PLXND1: variants seen among roughly 807,000 people sequenced by gnomAD.
The protein encoded by PLXND1 is plexin-D1.
A neutral mutation model predicts 197.7 loss-of-function variants in PLXND1; 54 were observed. The observed-to-expected ratio is 0.27, with a 90% CI of 0.22 to 0.34. PLXND1 has a LOEUF of 0.34. Ranked by LOEUF, PLXND1 falls within the 10% of genes least tolerant of loss-of-function variation. PLXND1 has a pLI of 1.00. For synonymous variants in PLXND1, 1,180 were observed against 1,161.2 expected, an observed-to-expected ratio of 1.02 and a Z score of -0.33; for missense variants, 2,127 against 2,699.2, an observed-to-expected ratio of 0.79 and a Z score of 4.70.
Position 129,572,650 on chromosome 3 carries a change from G to A in PLXND1, c.3036C>T (p.Leu1012=). Residue 1012 remains leucine, a synonymous_variant, in exon 15 of 36, where the codon CTC becomes CTT. Transcript: ENST00000324093. The part of the protein sequence containing the change: ...HGNDLHVGSE[L]QVLVNDTDPC... ...GGTCTGTGTCGTTCACCAGGACCTG[G>A]AGCTCGGAGCCTACATGGAGGTCAT... 6.2e-7 allele frequency: 1 copy of A among 1,600,094 alleles called. No individual in the cohort carries two copies. The highest frequency in any genetic ancestry group is 8.5e-7 in the Non-Finnish European group (1 of 1,172,922).
chr3:129,556,583 C>T, intron 35 of PLXND1, 34 bp downstream of exon 35: 1 of 1,530,366 alleles, frequency 6.5e-7, no homozygotes, highest in Non-Finnish European at 9.0e-7. Context: ...GCTCACCTAC[C>T]CCGAGGGCAG....
intron 1 of PLXND1, among the ~76,000 whole-genome samples, chr3:129,603,240 C>T (rs2085736146): frequency 6.6e-6 from 1 of 152,192 alleles, no homozygotes. Flanking sequence ...AGGCCCTTCG[C>T]CACTCTGTCC....
chr3:129,589,307 G>GCCGGCCGCCCCCCCCCCCCC, intron 2 of PLXND1, 44 bp downstream of exon 2: 2 of 684,692 alleles, frequency 2.9e-6, no homozygotes, highest in Non-Finnish European at 2.6e-6. Context: ...TCCCAGGGGA[G>GCCGGCCGCCCCCCCCCCCCC]CCTCCCACCC....
Position 129,575,582 on chromosome 3 carries a change from A to G in PLXND1, c.2437-20T>C. 6.5e-7 allele frequency: 1 copy of G among 1,532,838 alleles called. No individual in the cohort carries two copies. Among genetic ancestry groups the G allele is most frequent in the Non-Finnish European group, 8.9e-7 (1 of 1,129,564 alleles). 95.0% of individuals were successfully genotyped at this position (1,532,838 alleles called of 1,614,324 possible). A position where few individuals can be genotyped will look rare whatever the true frequency, so the allele number is the denominator to read the frequency against. On this transcript the variant is annotated intron_variant, in intron 10 of 35. Transcript: ENST00000324093. Reference sequence around the variant, plus strand: ...GTGCAGCTGCAAAAGGGCAGAAAAGAGCATAGGGGGCATGGGCAATGCCTG... The same window carrying G: ...GTGCAGCTGCAAAAGGGCAGAAAAGGGCATAGGGGGCATGGGCAATGCCTG...
At chr3:129,590,703 C>A (rs1044224923) in intron 1 of PLXND1, among the ~76,000 whole-genome samples, 1 of 152,192 alleles carries the variant, frequency 6.6e-6, no homozygotes, top group South Asian at 2.1e-4. Context: ...TGACACTGTA[C>A]CAGGCCAGTG....
Position 129,589,395 on chromosome 3 carries a change from A to C in PLXND1, c.1444T>G (p.Tyr482Asp). Residue 482 changes from tyrosine (Y) to aspartate (D), a missense_variant, in exon 2 of 36, where the codon TAC becomes GAC. Transcript: ENST00000324093. ...TSVAVASVNN[Y>D]TAVFLGTVNG... ...ACCGTGCCCAGGAAGACCGCTGTGT[A>C]GTTGTTGACGCTGGCCACGGCCACG... 6.5e-7 allele frequency: 1 copy of C among 1,538,024 alleles called. No individual in the cohort carries two copies. Among genetic ancestry groups the C allele is most frequent in the Non-Finnish European group, 8.8e-7 (1 of 1,135,252 alleles).
In PLXND1 at chr3:129,571,527, G is replaced by T. The variant is rs1259297987; in HGVS notation, c.3318C>A (p.His1106Gln). ...MVQNVSMAVH[H>Q]IGREPTLCKV... ...GCCTCACCGTGGGCTCCCGGCCAAT[G>T]TGGTGGACGGCCATGGACACATTCT... Residue 1106 changes from histidine to glutamine, a missense_variant, in exon 17 of 36, where the codon CAC becomes CAA. Transcript: ENST00000324093. The T allele has an allele frequency of 6.2e-7, 1 of 1,613,570 alleles. No homozygotes were observed. The highest frequency in any genetic ancestry group is 1.1e-5 in the South Asian group (1 of 91,086).
At chr3:129,581,051 A>C (rs1056946767) in intron 8 of PLXND1, among the ~76,000 whole-genome samples, 4 of 151,904 alleles carry the variant, frequency 2.6e-5, no homozygotes, top group African/African-American at 9.7e-5. Context: ...CACATCTTTC[A>C]CGCGGGGACC....
intron 8 of PLXND1, among the ~76,000 whole-genome samples, chr3:129,580,375 A>T (rs1231140098): frequency 2.0e-5 from 3 of 152,200 alleles, no homozygotes; most frequent in African/African-American, 7.2e-5. Context: ...GGCCCCCTGC[A>T]GACCGCAGGC....
Position 129,567,533 on chromosome 3 carries a change from G to C in PLXND1, c.4045C>G (p.Leu1349Val). 6.2e-7 allele frequency: 1 copy of C among 1,611,232 alleles called. No homozygotes were observed. Residue 1349 changes from leucine (L) to valine (V), a missense_variant, in exon 22 of 36, where the codon CTG (leucine) becomes GTG (valine). This residue lies in a region of PLXND1 where 532 missense variants were observed against 811.0 expected (regional missense o/e 0.66). Coordinates refer to ENST00000324093, the MANE Select transcript of PLXND1 (RefSeq NM_015103.3). ...ELNRSQGIPF[L>V]EYKHFVTRTF... ...CGGGTCACGAAGTGCTTATACTCCA[G>C]GAAGGGGATGCCCTGGCTGCGGTTC...
At chr3:129,563,494 G>C (rs2085093220) in intron 25 of PLXND1, among the ~76,000 whole-genome samples, 1 of 152,222 alleles carries the variant, frequency 6.6e-6, no homozygotes, top group Non-Finnish European at 1.5e-5. Flanking sequence ...CATTCTTACT[G>C]TGCAGCCAAC....
chr3:129,595,947 ACT>A (rs1491297191), intron 1 of PLXND1, among the ~76,000 whole-genome samples: 263 of 149,312 alleles, frequency 1.8e-3, no homozygotes, highest in African/African-American at 6.1e-3. Flanking sequence ...ACACACACAC[ACT>A]CTTGCTGCGT....
At chr3:129,589,312 C>CCCCCCCCACCCCCCCCCCA in intron 2 of PLXND1, 39 bp downstream of exon 2, 1 of 481,102 alleles carries the variant, frequency 2.1e-6, no homozygotes, top group East Asian at 5.4e-5. Flanking sequence ...GGGGAGCCTC[C>CCCCCCCCACCCCCCCCCCA]CACCCCCACC....
rs773137617 is a variant in PLXND1, at chr3:129,589,453, G to C, written c.1386C>G (p.Ala462=). Residue 462 remains alanine, a synonymous_variant, in exon 2 of 36, where the codon GCC becomes GCG. Transcript: ENST00000324093. The stretch of plus-strand genomic sequence containing the variant: ...GGCCCGGGGCGCGGAACACGGGCGT[G>C]GCCTTCAGGGGCTGCAGGATGGACA... ...HPLSILQPLK[A]TPVFRAPGLT... is the part of the protein sequence containing the mutation. 6.2e-7 allele frequency: 1 copy of C among 1,611,044 alleles called. No homozygotes were observed.
In PLXND1 at chr3:129,575,400, C is replaced by T. The variant is rs546640431; in HGVS notation, c.2530+69G>A. 1.9e-3 allele frequency: 1,759 copies of T among 944,840 alleles called. 11 individuals carry two copies. The highest frequency in any genetic ancestry group is 3.9e-3 in the Middle Eastern group (14 of 3,562). 58.5% of individuals were successfully genotyped at this position (944,840 alleles called of 1,614,324 possible). ...CTTTGGGGCAACCACTGGAATGAGTCGCACAAGGCTGAGCCCCACCCACTG... is the reference window on the plus strand; with the variant it reads ...CTTTGGGGCAACCACTGGAATGAGTTGCACAAGGCTGAGCCCCACCCACTG... On this transcript the variant is annotated intron_variant, in intron 11 of 35. Transcript: ENST00000324093.
Position 129,574,344 on chromosome 3 carries a change from T to C in PLXND1, c.2677A>G (p.Ile893Val), listed in dbSNP as rs2108778765. The change falls in exon 12 of 36, where the codon ATC becomes GTC. Residue 893 changes from isoleucine to valine, a missense_variant. Ile to Val is a conservative substitution (Grantham distance 29, BLOSUM62 3). This residue lies in a region of PLXND1 where 1,095 missense variants were observed against 1,259.8 expected (regional missense o/e 0.87). Transcript: ENST00000324093. ...PMAGTCPAPE[I>V]HAIEPLSGPL... ...CCACTGGGCATGCTTACCGCGTGGA[T>C]CTCGGGGGCGGGGCAGGTGCCAGCC... The C allele has an allele frequency of 6.2e-7, 1 of 1,603,974 alleles. No homozygotes were observed. Among genetic ancestry groups the C allele is most frequent in the East Asian group, 2.3e-5 (1 of 44,400 alleles).
intron 1 of PLXND1, among the ~76,000 whole-genome samples, chr3:129,594,822 A>T (rs941218299): frequency 1.3e-5 from 2 of 151,920 alleles, no homozygotes; most frequent in East Asian, 3.9e-4. Context: ...TATCTTTGTA[A>T]CTTTCCTGAA....
intron 1 of PLXND1, 138 bp downstream of exon 1, chr3:129,605,191 T>C (rs1331339531): frequency 4.9e-6 from 2 of 406,476 alleles, no homozygotes; most frequent in Non-Finnish European, 8.0e-6. Context: ...CGTGCACACC[T>C]GGGTTCCACG....
intron 1 of PLXND1, 142 bp downstream of exon 1, chr3:129,605,187 C>T: frequency 5.0e-6 from 2 of 400,202 alleles, no homozygotes; most frequent in Non-Finnish European, 8.2e-6. Flanking sequence ...CTCGCGTGCA[C>T]ACCTGGGTTC....
Sources: allele counts gnomAD v4.1 joint callset (sites outside exome capture counted in the v4.1 genomes callset), GRCh38; gene constraint gnomAD v4.1.1; regional missense constraint gnomAD v4.1.1; transcripts MANE v1.5; gene names NCBI Gene and HGNC (gene_info 2026-07-23, HGNC 2026-07-21).